The following SDK1 variants were observed in gnomAD, a reference collection of about 807,000 sequenced individuals.
SDK1 encodes sidekick cell adhesion molecule 1.
Under a neutral mutation model 245.5 loss-of-function variants are expected in SDK1, and 157 were observed. That is an observed-to-expected ratio of 0.64 (90% confidence interval 0.56 to 0.73). SDK1 has a LOEUF of 0.73. Ranked by LOEUF, SDK1 falls within the 30% of genes least tolerant of loss-of-function variation. The pLI is 0.00. For synonymous variants in SDK1, 1,647 were observed against 1,278.5 expected (o/e 1.29, Z -6.15); for missense variants, 3,583 against 3,002.3 (o/e 1.19, Z -4.52).
At chr7:3,826,093 G>A (rs944004923) in intron 5 of SDK1, among the ~76,000 whole-genome samples, 2 of 152,188 alleles carry the variant, frequency 1.3e-5, no homozygotes, top group African/African-American at 2.4e-5. Context: ...GGAGTGAAGT[G>A]TGAGGCATGC....
intron 5 of SDK1, among the ~76,000 whole-genome samples, chr7:3,865,178 C>T (rs561583324): frequency 4.9e-4 from 74 of 152,218 alleles, no homozygotes; most frequent in African/African-American, 1.6e-3. Flanking sequence ...CATAGGAAGC[C>T]CCATCTGAGC....
intron 4 of SDK1, among the ~76,000 whole-genome samples, chr7:3,785,189 A>C (rs1218042552): frequency 6.6e-6 from 1 of 151,960 alleles, no homozygotes; most frequent in Non-Finnish European, 1.5e-5. Flanking sequence ...ATGGTTATCG[A>C]GGCTGGAGGG....
At chr7:3,485,364 G>A (rs780185137) in intron 1 of SDK1, among the ~76,000 whole-genome samples, 2 of 152,076 alleles carry the variant, frequency 1.3e-5, no homozygotes, top group Non-Finnish European at 1.5e-5. Context: ...GCTTATTTGC[G>A]ATTGAGTTGT....
chr7:3,787,146 TCACACACACACACACA>T (rs34838736), intron 4 of SDK1, among the ~76,000 whole-genome samples: 16 of 137,678 alleles, frequency 1.2e-4, no homozygotes, highest in African/African-American at 3.5e-4. Flanking sequence ...AGTATTGAAA[TCACACACACACACACA>T]CACACACACA....
intron 1 of SDK1, among the ~76,000 whole-genome samples, chr7:3,334,493 A>C (rs1239558100): frequency 2.6e-5 from 4 of 151,900 alleles, no homozygotes; most frequent in Admixed American, 2.6e-4. Context: ...CACAGGCAGG[A>C]GTCAGCAAGG....
At chr7:3,718,130 T>A (rs1007607380) in intron 4 of SDK1, among the ~76,000 whole-genome samples, 2 of 152,140 alleles carry the variant, frequency 1.3e-5, no homozygotes, top group Non-Finnish European at 2.9e-5. Context: ...AATCAACTCA[T>A]GTAAGTCATA....
At chr7:3,866,897 G>C (rs115834623) in intron 5 of SDK1, among the ~76,000 whole-genome samples, 1 of 152,158 alleles carries the variant, frequency 6.6e-6, no homozygotes, top group African/African-American at 2.4e-5. Context: ...CTGGACTGCC[G>C]AGAGAACACG....
At chr7:3,794,675 C>T (rs575716960) in intron 4 of SDK1, among the ~76,000 whole-genome samples, 2 of 152,126 alleles carry the variant, frequency 1.3e-5, no homozygotes, top group Non-Finnish European at 1.5e-5. Flanking sequence ...AAGGCCCTCC[C>T]CAGATATAGT....
In SDK1 at chr7:3,618,921, C is replaced by T. The variant is rs575688068; in HGVS notation, c.299-159C>T. On this transcript the variant is annotated intron_variant, in intron 1 of 44. Coordinates refer to ENST00000404826, the MANE Select transcript of SDK1 (RefSeq NM_152744.4). ...TATTATCTGGGGTATTGCATGTTTCCAGGGTTTGGTAAAGGATTATTTACT... is the reference window on the plus strand; with the variant it reads ...TATTATCTGGGGTATTGCATGTTTCTAGGGTTTGGTAAAGGATTATTTACT... 8.5e-5 allele frequency among the ~76,000 whole-genome samples: 13 copies of T among 152,290 alleles called. No individual in the cohort carries two copies. The South Asian group carries it at 2.7e-3, about 32-fold the overall frequency.
intron 2 of SDK1, among the ~76,000 whole-genome samples, chr7:3,633,972 G>C (rs1285637011): frequency 6.6e-6 from 1 of 151,956 alleles, no homozygotes; most frequent in Non-Finnish European, 1.5e-5. Flanking sequence ...CTGGACTAGG[G>C]CTCCACTGTG....
rs189260047 is a variant in SDK1 at position 4,211,750 on chromosome 7, C to T, written c.5539+1588C>T. Among the ~76,000 whole-genome samples, 284 of 152,306 alleles carry T rather than the reference C, an allele frequency of 1.9e-3. 1 individual carries two copies. Among genetic ancestry groups the T allele is most frequent in the African/African-American group, 6.6e-3 (273 of 41,554 alleles). ...TCAGCCTCCCGAGTAGCTGGGACTA[C>T]AGGCGCCCACCACCACGCCCAGCTA... is the stretch of plus-strand genomic sequence containing the variant. On this transcript the variant is annotated intron_variant, in intron 38 of 44. Coordinates refer to ENST00000404826, the MANE Select transcript of SDK1 (RefSeq NM_152744.4).
At chr7:3,406,950 A>G (rs927541656) in intron 1 of SDK1, among the ~76,000 whole-genome samples, 1 of 148,764 alleles carries the variant, frequency 6.7e-6, no homozygotes, top group Non-Finnish European at 1.5e-5. Flanking sequence ...TTTTAGTTTT[A>G]AACTCTTTGT....
At chr7:4,061,634 A>G (rs1779545753) in intron 19 of SDK1, among the ~76,000 whole-genome samples, 1 of 152,168 alleles carries the variant, frequency 6.6e-6, no homozygotes, top group Non-Finnish European at 1.5e-5. Flanking sequence ...ATTACTGGGT[A>G]TATACCCAAA....
At chr7:4,215,227 C>G (rs1446649857) in intron 38 of SDK1, among the ~76,000 whole-genome samples, 1 of 152,230 alleles carries the variant, frequency 6.6e-6, no homozygotes, top group African/African-American at 2.4e-5. Context: ...CAGCTTATAT[C>G]TCATCGGGGG....
At chr7:3,898,332 A>G (rs1781672923) in intron 5 of SDK1, among the ~76,000 whole-genome samples, 2 of 152,196 alleles carry the variant, frequency 1.3e-5, no homozygotes, top group Admixed American at 1.3e-4. Context: ...CTAGAGCAAA[A>G]AGCGCAGACA....
Position 4,043,397 on chromosome 7 carries a change from G to A in SDK1, c.2603-5951G>A, listed in dbSNP as rs549075462. ...AGTGTCACAGCCAGGGACTCAGGCAGAGTGAGTGTCACAGCCAGGGGCTCA... is the reference window on the plus strand; with the variant it reads ...AGTGTCACAGCCAGGGACTCAGGCAAAGTGAGTGTCACAGCCAGGGGCTCA... On this transcript the variant is annotated intron_variant, in intron 17 of 44. Transcript: ENST00000404826. Among the ~76,000 whole-genome samples, 4 of 152,074 alleles carry A rather than the reference G, an allele frequency of 2.6e-5. No homozygotes were observed. The South Asian group carries it at 6.2e-4, about 24-fold the overall frequency.
Position 4,245,718 on chromosome 7 carries a change from C to A in SDK1, c.6294C>A (p.Asp2098Glu). The A allele has an allele frequency of 6.2e-7, 1 of 1,614,084 alleles. No homozygotes were observed. Among genetic ancestry groups the A allele is most frequent in the Non-Finnish European group, 8.5e-7 (1 of 1,179,996 alleles). The change falls in exon 44 of 45, where the codon GAC (aspartate) becomes GAA (glutamate). Residue 2098 changes from aspartate (D) to glutamate (E), a missense_variant. Asp to Glu is a conservative substitution (Grantham distance 45, BLOSUM62 2). Transcript: ENST00000404826. ...RPSPGGLHYS[D>E]EDICNKYNGA... is the part of the protein sequence containing the mutation. ...GCCCCGGCGGCCTGCACTACTCAGA[C>A]GAGGACATCTGCAACAAGTACAACG...
At chr7:4,193,562 C>G (rs1783366116) in intron 35 of SDK1, among the ~76,000 whole-genome samples, 1 of 151,794 alleles carries the variant, frequency 6.6e-6, no homozygotes, top group Non-Finnish European at 1.5e-5. Context: ...CCCACACATC[C>G]CCATTCCAAG....
At chr7:3,979,112 G>T (rs930105773) in intron 13 of SDK1, among the ~76,000 whole-genome samples, 4 of 152,172 alleles carry the variant, frequency 2.6e-5, no homozygotes, top group Non-Finnish European at 5.9e-5. Context: ...AGGAGGCCCT[G>T]CTCACCTTTC....
Sources: allele counts gnomAD v4.1 joint callset (sites outside exome capture counted in the v4.1 genomes callset), GRCh38; gene constraint gnomAD v4.1.1; transcripts MANE v1.5; gene names NCBI Gene and HGNC (gene_info 2026-07-23, HGNC 2026-07-21).